The following PCDHGA5 variants were observed in gnomAD, a reference collection of about 807,000 sequenced individuals.
PCDHGA5 encodes the protein protocadherin gamma subfamily A, 5, also known as protocadherin gamma-A5.
In PCDHGA5, 36 loss-of-function variants were observed where a neutral mutation model predicts 56.7. The ratio of observed to expected loss-of-function variants is 0.64; its 90% confidence interval spans 0.49 to 0.84. The LOEUF (loss-of-function observed/expected upper bound fraction) is 0.84. Among genes scored for constraint, PCDHGA5 ranks in the 40% least tolerant of loss-of-function variants. The pLI, the probability that PCDHGA5 is intolerant of heterozygous loss-of-function variation, is 0.00. For missense variants in PCDHGA5, 1,305 were observed against 1,201.5 expected, an observed-to-expected ratio of 1.09 and a Z score of -1.27; for synonymous variants, 563 against 520.2, an observed-to-expected ratio of 1.08 and a Z score of -1.12.
rs1352459567 is a variant in PCDHGA5 at position 141,364,853 on chromosome 5, A to G, written c.523A>G (p.Asn175Asp). 1 of 1,614,022 alleles carries G rather than the reference A, an allele frequency of 6.2e-7. No homozygotes were observed. The highest frequency in any genetic ancestry group is 8.5e-7 in the Non-Finnish European group (1 of 1,179,894). The change falls in exon 1 of 4, where the codon AAT becomes GAT. Residue 175 changes from asparagine (N) to aspartate (D), a missense_variant. Asn to Asp is a conservative substitution (Grantham distance 23, BLOSUM62 1). Coordinates refer to ENST00000518069, the MANE Select transcript of PCDHGA5 (RefSeq NM_018918.3). ...NSLRSYQLSS[N>D]LHFSLDVVSG... ...TCTCCGGAGTTACCAGCTCAGCTCC[A>G]ATCTGCACTTCTCTCTGGATGTGGT...
chr5:141,422,066 A>G, intron 1 of PCDHGA5: 1 of 1,612,154 alleles, frequency 6.2e-7, no homozygotes. Context: ...GAAGTAATGT[A>G]TTCATTTCGG....
chr5:141,403,358 G>A (rs1031210052), intron 1 of PCDHGA5: 1 of 1,614,026 alleles, frequency 6.2e-7, no homozygotes. Flanking sequence ...GTTCCAGGCC[G>A]AAAGTCTGGA....
chr5:141,509,785 C>T (rs1445220885), intron 3 of PCDHGA5, among the ~76,000 whole-genome samples: 1 of 152,166 alleles, frequency 6.6e-6, no homozygotes, highest in African/African-American at 2.4e-5. Context: ...CCGAGATCAT[C>T]ATCTCCTCAG....
At position 141,366,157 on chromosome 5, in the gene PCDHGA5, T is replaced by G; in HGVS notation, c.1827T>G (p.Leu609=). 6.2e-7 allele frequency: 1 copy of G among 1,614,080 alleles called. No homozygotes were observed. The highest frequency in any genetic ancestry group is 8.5e-7 in the Non-Finnish European group (1 of 1,180,032). Residue 609 remains leucine (L), a synonymous_variant, in exon 1 of 4, where the codon CTT becomes CTG. Transcript: ENST00000518069. ...GQNAWLSYRL[L]KASEPGLFAV... ...ACGCCTGGCTGTCCTACCGCCTGCT[T>G]AAGGCCAGCGAGCCAGGACTCTTTG...
At chr5:141,369,792 G>C (rs1166011408) in intron 1 of PCDHGA5, among the ~76,000 whole-genome samples, 1 of 152,158 alleles carries the variant, frequency 6.6e-6, no homozygotes, top group Non-Finnish European at 1.5e-5. Context: ...TTTATACTAC[G>C]TCTTCTGCCA....
chr5:141,487,293 C>T lies in PCDHGA5; in HGVS notation c.2422-7514C>T. ...GCAATTTGCTTTGTCTCCTTTGGCT[C>T]ATTCGTGGCACTACTCTCTAAGTGT... is the stretch of plus-strand genomic sequence containing the variant. On this transcript the variant is annotated intron_variant, in intron 1 of 3. Transcript: ENST00000518069. The surrounding 1 kb of genome is among the most constrained non-coding windows in gnomAD (Gnocchi z 5.0). 1 of 1,614,148 alleles carries T rather than the reference C, an allele frequency of 6.2e-7. No individual in the cohort carries two copies. Among genetic ancestry groups the T allele is most frequent in the Non-Finnish European group, 8.5e-7 (1 of 1,180,010 alleles).
rs951185891 is a variant in PCDHGA5, at chr5:141,494,814, C to T, written c.2429C>T (p.Pro810Leu). 7 of 1,614,152 alleles carry T rather than the reference C, an allele frequency of 4.3e-6. No individual in the cohort carries two copies. The highest frequency in any genetic ancestry group is 1.7e-5 in the Admixed American group (1 of 60,024). Residue 810 changes from proline to leucine, a missense_variant, in exon 2 of 4, where the codon CCG becomes CTG. By Grantham distance (98) the Pro-to-Leu change is moderately conservative (BLOSUM62 -3). Transcript: ENST00000518069. The part of the protein sequence containing the change: ...NKEERRVQQA[P>L]PNTDWRFSQA... ...CCTCTGTTTTCTCCACAGCAAGCCCCGCCCAACACGGACTGGCGTTTCTCT... is the reference window on the plus strand; with the variant it reads ...CCTCTGTTTTCTCCACAGCAAGCCCTGCCCAACACGGACTGGCGTTTCTCT...
Position 141,491,737 on chromosome 5 carries a change from G to C in PCDHGA5, c.2422-3070G>C, listed in dbSNP as rs548808722. 1.2e-6 allele frequency: 2 copies of C among 1,600,586 alleles called. No homozygotes were observed. The highest frequency in any genetic ancestry group is 2.7e-5 in the African/African-American group (2 of 74,486). On this transcript the variant is annotated intron_variant, in intron 1 of 3. Transcript: ENST00000518069. The surrounding 1 kb of genome is among the most constrained non-coding windows in gnomAD (Gnocchi z 6.9). ...GGCGCCGCCCCGGGCGACCCCTGGG[G>C]GCGGCACTGGAGAAGCCGCCCGTCC...
At position 141,486,367 on chromosome 5, in the gene PCDHGA5, G is replaced by A; in HGVS notation, c.2422-8440G>A. On this transcript the variant is annotated intron_variant, in intron 1 of 3. Coordinates refer to ENST00000518069, the MANE Select transcript of PCDHGA5 (RefSeq NM_018918.3). This position sits in a 1 kb window ranked among gnomAD's most constrained non-coding sequence, Gnocchi z 5.0. Reference sequence around the variant, plus strand: ...CTGACCACTTGCCATTTGCCCTCAAGTCTGCCTTCAGGAACCAGTTCTCCC... The same window carrying A: ...CTGACCACTTGCCATTTGCCCTCAAATCTGCCTTCAGGAACCAGTTCTCCC... 1 of 1,614,148 alleles carries A rather than the reference G, an allele frequency of 6.2e-7. No individual in the cohort carries two copies. Among genetic ancestry groups the A allele is most frequent in the Non-Finnish European group, 8.5e-7 (1 of 1,180,022 alleles).
Position 141,364,626 on chromosome 5 carries a change from G to A in PCDHGA5, c.296G>A (p.Ser99Asn), listed in dbSNP as rs1188040280. ...RIDREELCAQ[S>N]PLCVVNFNIL... ...GACCGGGAGGAGCTCTGCGCTCAGA[G>A]CCCACTGTGTGTGGTGAACTTTAAC... Residue 99 changes from serine to asparagine, a missense_variant, in exon 1 of 4, where the codon AGC becomes AAC. Coordinates refer to ENST00000518069, the MANE Select transcript of PCDHGA5 (RefSeq NM_018918.3). The A allele has an allele frequency of 6.2e-7, 1 of 1,614,162 alleles. No individual in the cohort carries two copies. Among genetic ancestry groups the A allele is most frequent in the East Asian group, 2.2e-5 (1 of 44,888 alleles).
At position 141,473,122 on chromosome 5, in the gene PCDHGA5, T is replaced by C. The variant is rs533113606; in HGVS notation, c.2422-21685T>C. On this transcript the variant is annotated intron_variant, in intron 1 of 3. Coordinates refer to ENST00000518069, the MANE Select transcript of PCDHGA5 (RefSeq NM_018918.3). ...TATTACCACACTTTACTTGGCTCTT[T>C]GGCAAACTATATTATCTCTTCAGAT... Among the ~76,000 whole-genome samples, 3 of 152,362 alleles carry C rather than the reference T, an allele frequency of 2.0e-5. No homozygotes were observed. In the East Asian group the frequency reaches 5.8e-4, roughly 29 times the overall value.
intron 1 of PCDHGA5, chr5:141,382,806 C>G: frequency 9.1e-7 from 1 of 1,097,502 alleles, no homozygotes; most frequent in South Asian, 1.6e-5. Context: ...GGATTCTGAG[C>G]TCCCCTTCCT....
intron 1 of PCDHGA5, among the ~76,000 whole-genome samples, chr5:141,472,711 C>T (rs1014451209): frequency 4.6e-5 from 7 of 151,904 alleles, no homozygotes; most frequent in Admixed American, 2.0e-4. Context: ...ACAGGCCAGG[C>T]GCTGTGGCTC....
intron 1 of PCDHGA5, chr5:141,426,679 T>A (rs1008777231): frequency 9.3e-6 from 4 of 431,308 alleles, no homozygotes; most frequent in African/African-American, 2.0e-5. Context: ...CCACCTCATT[T>A]TCCCCAAAAT....
intron 1 of PCDHGA5, chr5:141,414,893 C>T: frequency 6.2e-7 from 1 of 1,614,248 alleles, no homozygotes; most frequent in Non-Finnish European, 8.5e-7. Context: ...GCCCTCCCCA[C>T]AGACGGTTCC....
chr5:141,465,800 C>G (rs1486100601), intron 1 of PCDHGA5, among the ~76,000 whole-genome samples: 2 of 151,524 alleles, frequency 1.3e-5, no homozygotes, highest in East Asian at 3.9e-4. Flanking sequence ...TTTAAGAAAC[C>G]CTTCAGGATC....
chr5:141,441,737 C>CG, intron 1 of PCDHGA5: 1 of 365,242 alleles, frequency 2.7e-6, no homozygotes, highest in South Asian at 2.2e-5. Flanking sequence ...AGGACTAGCT[C>CG]GCGCTCGGCG....
At chr5:141,405,491 C>T (rs1399017717) in intron 1 of PCDHGA5, 1 of 858,762 alleles carries the variant, frequency 1.2e-6, no homozygotes, top group East Asian at 2.7e-5. Flanking sequence ...GTGATCTCGG[C>T]TCATTGCAAC....
At chr5:141,374,384 C>T (rs781113576) in intron 1 of PCDHGA5, 4 of 1,613,962 alleles carry the variant, frequency 2.5e-6, no homozygotes, top group East Asian at 2.2e-5. Flanking sequence ...TCAGAGCCCG[C>T]GGTGTCTGGT....
Sources: gnomAD v4.1 joint callset for allele counts (sites outside exome capture counted in the v4.1 genomes callset) on GRCh38, gnomAD v4.1.1 for gene constraint, Gnocchi (gnomAD v3.1) non-coding constraint, MANE v1.5 for transcripts, NCBI Gene and HGNC (gene_info 2026-07-23, HGNC 2026-07-21) for gene names.